FBN1: variants seen among roughly 807,000 people sequenced by gnomAD.
FBN1 encodes the protein fibrillin-1.
FBN1 carries 29 observed loss-of-function variants against 365.1 expected under a neutral mutation model. The observed-to-expected ratio is 0.08, with a 90% CI of 0.06 to 0.11. The LOEUF (loss-of-function observed/expected upper bound fraction) is 0.11. Among genes scored for constraint, FBN1 ranks in the 10% least tolerant of loss-of-function variants. FBN1 has a pLI of 1.00. For missense variants in FBN1, 2,476 were observed against 3,703.2 expected, an observed-to-expected ratio of 0.67 and a Z score of 8.60; for synonymous variants, 1,210 against 1,270.5, an observed-to-expected ratio of 0.95 and a Z score of 1.01.
At position 48,409,592 on chromosome 15, in the gene FBN1, C is replaced by G. The variant is rs886051234; in HGVS notation, c.*1398G>C. On this transcript the variant is annotated 3_prime_UTR_variant, in exon 66 of 66. Transcript: ENST00000316623. ...TATGACATTAAGAAACCAAAAGTTA[C>G]AGCAATTGGATACAGTCTGGGATTA... 3 of 151,964 alleles carry G rather than the reference C, an allele frequency of 2.0e-5. No individual in the cohort carries two copies. Among genetic ancestry groups the G allele is most frequent in the African/African-American group, 7.3e-5 (3 of 41,354 alleles). 9.4% of individuals were successfully genotyped at this position (151,964 alleles called of 1,614,324 possible).
chr15:48,451,153 C>G (rs2043198409), intron 45 of FBN1, among the ~76,000 whole-genome samples: 1 of 152,226 alleles, frequency 6.6e-6, no homozygotes, highest in Non-Finnish European at 1.5e-5. Flanking sequence ...AATGTCTTAT[C>G]TTGATCTATA....
intron 32 of FBN1, among the ~76,000 whole-genome samples, chr15:48,479,359 T>G (rs375643726): frequency 4.4e-4 from 67 of 152,312 alleles, no homozygotes; most frequent in African/African-American, 1.6e-3. Flanking sequence ...AGGAGAACAT[T>G]TGAGTAACTG....
intron 6 of FBN1, among the ~76,000 whole-genome samples, chr15:48,556,030 C>T (rs1483105130): frequency 6.6e-6 from 1 of 152,164 alleles, no homozygotes. Flanking sequence ...ACCTAACCTC[C>T]ACAAATACCT....
chr15:48,493,117 G>A (rs896249123), intron 23 of FBN1, among the ~76,000 whole-genome samples: 4 of 152,136 alleles, frequency 2.6e-5, no homozygotes, highest in African/African-American at 7.2e-5. Flanking sequence ...AGGCTGTTCT[G>A]TCCATGCTTT....
At position 48,446,750 on chromosome 15, in the gene FBN1, C is replaced by T. The variant is rs2043162615; in HGVS notation, c.5744G>A (p.Arg1915His). The T allele has an allele frequency of 6.2e-6, 10 of 1,613,278 alleles. No individual in the cohort carries two copies. Among genetic ancestry groups the T allele is most frequent in the East Asian group, 2.2e-5 (1 of 44,872 alleles). The change falls in exon 47 of 66, where the codon CGC (arginine) becomes CAC (histidine). Residue 1915 changes from arginine (R) to histidine (H), a missense_variant. Physicochemically the swap from Arg to His is conservative, Grantham distance 29. This residue lies in a region of FBN1 where 1,780 missense variants were observed against 2,840.8 expected (regional missense o/e 0.63). Transcript: ENST00000316623. ...AGAAAGGATGAAACCATGATTGCAG[C>T]GGCAGTTGAAGGAACCAATTGTGTT... Reference protein sequence around the residue: ...CRNTIGSFNCRCNHGFILSHN... With the variant: ...CRNTIGSFNCHCNHGFILSHN...
At chr15:48,451,553 A>G (rs755258685) in intron 45 of FBN1, among the ~76,000 whole-genome samples, 14 of 152,210 alleles carry the variant, frequency 9.2e-5, no homozygotes, top group Non-Finnish European at 1.5e-4. Context: ...AGAACAGTGC[A>G]CTTCCTACCA....
At chr15:48,503,224 G>A (rs896549885) in intron 17 of FBN1, among the ~76,000 whole-genome samples, 2 of 151,208 alleles carry the variant, frequency 1.3e-5, no homozygotes, top group East Asian at 2.0e-4. Context: ...TTGAACCCGG[G>A]AGGCGGAGGT....
chr15:48,569,272 T>C (rs2044286339), intron 6 of FBN1, among the ~76,000 whole-genome samples: 1 of 152,096 alleles, frequency 6.6e-6, no homozygotes, highest in Admixed American at 6.6e-5. Context: ...CCACAGGACA[T>C]CATTTCACAT....
At chr15:48,414,374 A>G (rs12916536) in intron 64 of FBN1, among the ~76,000 whole-genome samples, 99,627 of 152,108 alleles carry the variant, frequency 0.65, 34,011 homozygotes, top group Middle Eastern at 0.78. Flanking sequence ...ATAATTTGGT[A>G]TAAGTGTGGA....
At chr15:48,439,770 GGCATTAGA>G (rs1174975613) in intron 50 of FBN1, among the ~76,000 whole-genome samples, 1 of 151,804 alleles carries the variant, frequency 6.6e-6, no homozygotes, top group Non-Finnish European at 1.5e-5. Context: ...AAAAAATCTT[GGCATTAGA>G]CAGAGACTCA....
chr15:48,591,622 A>T (rs929586657), intron 6 of FBN1, among the ~76,000 whole-genome samples: 6 of 152,230 alleles, frequency 3.9e-5, no homozygotes, highest in Non-Finnish European at 7.3e-5. Context: ...ATATGCAAGA[A>T]TCCTTTCTTT....
chr15:48,537,752 G>C lies in FBN1; in HGVS notation c.595C>G (p.Leu199Val), dbSNP rs1221144366. The part of the protein sequence containing the change: ...VISNQMCQGQ[L>V]SGIVCTKTLC... ...GTTTTTGTGCAGACAATCCCGCTGA[G>C]TTGTCCCTGGCACATCTGGTTGCTG... Residue 199 changes from leucine to valine, a missense_variant, in exon 7 of 66, where the codon CTC becomes GTC. Leu to Val is a conservative substitution (Grantham distance 32). Around this residue, in one of 5 missense-constraint regions of FBN1, gnomAD observed 421 missense variants for 520.1 expected, o/e 0.81. Transcript: ENST00000316623. 3 of 1,614,212 alleles carry C rather than the reference G, an allele frequency of 1.9e-6. No individual in the cohort carries two copies. The highest frequency in any genetic ancestry group is 1.1e-5 in the South Asian group (1 of 91,086).
chr15:48,568,053 A>AAAGAAAGAAAGAAAGAAAGAAAG (rs2044273516), intron 6 of FBN1, among the ~76,000 whole-genome samples: 22 of 95,706 alleles, frequency 2.3e-4, no homozygotes, highest in East Asian at 6.0e-4. Context: ...AAGAAAGAAG[A>AAAGAAAGAAAGAAAGAAAGAAAG]AAGAAAGAAA....
At chr15:48,430,580 G>A in intron 56 of FBN1, 91 bp downstream of exon 56, 5 of 1,487,158 alleles carry the variant, frequency 3.4e-6, no homozygotes, top group Non-Finnish European at 4.7e-6. Flanking sequence ...GTCTCGCCAA[G>A]AACAGTATCC....
At chr15:48,523,031 G>T (rs74011827) in intron 9 of FBN1, among the ~76,000 whole-genome samples, 1,897 of 152,290 alleles carry the variant, frequency 0.012, 41 homozygotes, top group African/African-American at 0.044. Context: ...AGAGGGCAGA[G>T]AAATTGAACT....
chr15:48,597,041 T>C (rs895043919), intron 5 of FBN1, among the ~76,000 whole-genome samples: 1 of 152,234 alleles, frequency 6.6e-6, no homozygotes, highest in Admixed American at 6.5e-5. Context: ...GCATGGGCTC[T>C]TTCTAGGCAT....
chr15:48,544,560 C>G (rs2044081083), intron 6 of FBN1, among the ~76,000 whole-genome samples: 1 of 152,138 alleles, frequency 6.6e-6, no homozygotes, highest in African/African-American at 2.4e-5. Context: ...ACTGCAGAAA[C>G]AAGGTGATTT....
At chr15:48,578,535 G>A (rs936329787) in intron 6 of FBN1, among the ~76,000 whole-genome samples, 13 of 152,002 alleles carry the variant, frequency 8.6e-5, no homozygotes, top group African/African-American at 2.7e-4. Context: ...ACCCAGTAAT[G>A]GGATGGCTGG....
intron 2 of FBN1, among the ~76,000 whole-genome samples, chr15:48,620,099 T>C (rs898827807): frequency 2.0e-4 from 31 of 152,196 alleles, no homozygotes; most frequent in Non-Finnish European, 1.2e-4. Context: ...AGGGTAGTGA[T>C]GAACCCCAGA....
Sources: allele counts gnomAD v4.1 joint callset (sites outside exome capture counted in the v4.1 genomes callset), GRCh38; gene constraint gnomAD v4.1.1; regional missense constraint gnomAD v4.1.1; transcripts MANE v1.5; gene names NCBI Gene and HGNC (gene_info 2026-07-23, HGNC 2026-07-21).